TENM3: variants seen among roughly 807,000 people sequenced by gnomAD.
The protein encoded by TENM3 is teneurin-3.
TENM3 carries 63 observed loss-of-function variants against 255.1 expected under a neutral mutation model. That is an observed-to-expected ratio of 0.25 (90% confidence interval 0.20 to 0.30). TENM3 has a LOEUF of 0.30. Ranked by LOEUF, TENM3 falls within the 10% of genes least tolerant of loss-of-function variation. The pLI, the probability that TENM3 is intolerant of heterozygous loss-of-function variation, is 1.00. For missense variants in TENM3, 2,929 were observed against 3,461.1 expected (o/e 0.85, Z 3.86); for synonymous variants, 1,306 against 1,322.3 (o/e 0.99, Z 0.27).
At chr4:181,649,982 A>G in the TENM3 span, among the ~76,000 whole-genome samples, 1 of 151,880 alleles carries the variant, frequency 6.6e-6, no homozygotes, top group Non-Finnish European at 1.5e-5. Context: ...TGGCTGAGGA[A>G]TTTTGACAGC....
chr4:181,698,465 G>GA, the TENM3 span, among the ~76,000 whole-genome samples: 1,286 of 148,884 alleles, frequency 8.6e-3, 4 homozygotes, highest in Middle Eastern at 0.031. Flanking sequence ...CTTTATTTTA[G>GA]AAAAAAAAAA....
chr4:182,748,502 C>T (rs899582688), intron 19 of TENM3, among the ~76,000 whole-genome samples: 1 of 152,178 alleles, frequency 6.6e-6, no homozygotes, highest in African/African-American at 2.4e-5. Flanking sequence ...AGTTGGAAAG[C>T]AAGCACGAGC....
At chr4:181,647,372 G>T in the TENM3 span, among the ~76,000 whole-genome samples, 1 of 152,120 alleles carries the variant, frequency 6.6e-6, no homozygotes, top group Non-Finnish European at 1.5e-5. Context: ...TTGAGAATTG[G>T]GTAAAAATAT....
the TENM3 span, among the ~76,000 whole-genome samples, chr4:181,599,142 A>G: frequency 1.3e-5 from 2 of 152,220 alleles, no homozygotes; most frequent in Non-Finnish European, 2.9e-5. Context: ...TAACAAGCAC[A>G]TAGGTAGAAT....
chr4:182,319,679 A>C (rs892093598), intron 1 of TENM3, among the ~76,000 whole-genome samples: 5 of 152,238 alleles, frequency 3.3e-5, no homozygotes, highest in African/African-American at 1.2e-4. Flanking sequence ...ATTGATTTAT[A>C]AACTTTAGAA....
At chr4:181,930,491 C>T in the TENM3 span, among the ~76,000 whole-genome samples, 2 of 152,152 alleles carry the variant, frequency 1.3e-5, no homozygotes, top group African/African-American at 4.8e-5. Context: ...CCTGAATAGA[C>T]CAATAACAAG....
At chr4:181,801,118 G>T in the TENM3 span, among the ~76,000 whole-genome samples, 7 of 152,124 alleles carry the variant, frequency 4.6e-5, no homozygotes, top group Non-Finnish European at 7.3e-5. Context: ...AATTATCATG[G>T]TAGACAGGCT....
chr4:182,309,966 T>A (rs1762348265), intron 1 of TENM3, among the ~76,000 whole-genome samples: 1 of 152,226 alleles, frequency 6.6e-6, no homozygotes, highest in African/African-American at 2.4e-5. Flanking sequence ...ATATCTCCGC[T>A]AGAAAGGTAT....
the TENM3 span, among the ~76,000 whole-genome samples, chr4:181,752,992 G>A: frequency 1.3e-5 from 2 of 152,136 alleles, no homozygotes; most frequent in African/African-American, 4.8e-5. Flanking sequence ...ACCTAACATT[G>A]GATGTGGAAG....
At chr4:182,073,302 T>C in the TENM3 span, among the ~76,000 whole-genome samples, 1 of 152,146 alleles carries the variant, frequency 6.6e-6, no homozygotes, top group Non-Finnish European at 1.5e-5. Flanking sequence ...CCGTGATCCA[T>C]CACTTCCCAC....
Position 182,792,308 on chromosome 4 carries a change from A to G in TENM3, c.5636A>G (p.Tyr1879Cys). The G allele has an allele frequency of 2.5e-6, 4 of 1,613,986 alleles. No individual in the cohort carries two copies. The highest frequency in any genetic ancestry group is 3.4e-6 in the Non-Finnish European group (4 of 1,179,846). ...CTTCTGCTTCATAGCCAGCGGCAGT[A>G]CATCTTCGAATACGATATGTGGGAC... ...MVLLLHSQRQ[Y>C]IFEYDMWDRL... The change falls in exon 26 of 28, where the codon TAC becomes TGC. Residue 1879 changes from tyrosine (Y) to cysteine (C), a missense_variant. Tyr to Cys is a radical substitution (Grantham distance 194). Coordinates refer to ENST00000511685, the MANE Select transcript of TENM3 (RefSeq NM_001080477.4). This position sits in a 1 kb window ranked among gnomAD's most constrained non-coding sequence, Gnocchi z 6.3.
intron 2 of TENM3, among the ~76,000 whole-genome samples, chr4:182,341,544 C>T (rs1369228976): frequency 6.6e-6 from 1 of 152,214 alleles, no homozygotes; most frequent in African/African-American, 2.4e-5. Context: ...ATTCTTTATG[C>T]TAACCACAGT....
Position 182,618,765 on chromosome 4 carries a change from TA to T in TENM3, c.750-9877del, listed in dbSNP as rs1013078708. Among the ~76,000 whole-genome samples the T allele has an allele frequency of 1.2e-4, 18 of 151,742 alleles. No homozygotes were observed. In the Middle Eastern group the frequency reaches 0.01, roughly 86 times the overall value. ...TAAAACATGATGTTTCATTTGAGGG[TA>T]AAAAAAAATTTGAAATGAAATGTTA... On this transcript the variant is annotated intron_variant, in intron 4 of 27. Coordinates refer to ENST00000511685, the MANE Select transcript of TENM3 (RefSeq NM_001080477.4).
the TENM3 span, among the ~76,000 whole-genome samples, chr4:181,619,572 C>T: frequency 3.3e-5 from 5 of 152,022 alleles, no homozygotes; most frequent in Non-Finnish European, 7.4e-5. Flanking sequence ...TAGGCACACA[C>T]CACCATATTT....
chr4:181,743,068 G>C, the TENM3 span, among the ~76,000 whole-genome samples: 1 of 151,724 alleles, frequency 6.6e-6, no homozygotes, highest in African/African-American at 2.4e-5. Context: ...TCTTAATCCA[G>C]TCTATCATTG....
At chr4:182,255,670 A>G (rs1433128493) in intron 1 of TENM3, among the ~76,000 whole-genome samples, 3 of 152,176 alleles carry the variant, frequency 2.0e-5, no homozygotes, top group Admixed American at 6.5e-5. Flanking sequence ...AACAGCAGCC[A>G]GAGAGATTTT....
At chr4:181,641,554 GTATATATATA>G in the TENM3 span, among the ~76,000 whole-genome samples, 569 of 26,912 alleles carry the variant, frequency 0.021, 15 homozygotes, top group African/African-American at 0.052. Flanking sequence ...TGGTGTGTGT[GTATATATATA>G]TATATATATA....
At chr4:182,371,445 A>G (rs530343326) in intron 3 of TENM3, among the ~76,000 whole-genome samples, 1 of 152,092 alleles carries the variant, frequency 6.6e-6, no homozygotes, top group Admixed American at 6.5e-5. Flanking sequence ...CTGTTCTGTG[A>G]CCCTTTTCTT....
Position 182,774,954 on chromosome 4 carries a change from G to A in TENM3, c.5105G>A (p.Gly1702Asp). 1 of 1,613,634 alleles carries A rather than the reference G, an allele frequency of 6.2e-7. No individual in the cohort carries two copies. The highest frequency in any genetic ancestry group is 1.1e-5 in the South Asian group (1 of 90,986). Residue 1702 changes from glycine (G) to aspartate (D), a missense_variant, in exon 24 of 28, where the codon GGC becomes GAC. Physicochemically the swap from Gly to Asp is moderately conservative, Grantham distance 94 (BLOSUM62 -1). Coordinates refer to ENST00000511685, the MANE Select transcript of TENM3 (RefSeq NM_001080477.4). ...LRNSYQIGYD[G>D]SLRIIYASGL... ...AACAGCTACCAGATTGGTTATGACGGCTCCCTCAGAATTATCTACGCCAGT... is the reference window on the plus strand; with the variant it reads ...AACAGCTACCAGATTGGTTATGACGACTCCCTCAGAATTATCTACGCCAGT...
Sources: allele counts gnomAD v4.1 joint callset (sites outside exome capture counted in the v4.1 genomes callset), GRCh38; gene constraint gnomAD v4.1.1; non-coding constraint Gnocchi (gnomAD v3.1); transcripts MANE v1.5; gene names NCBI Gene and HGNC (gene_info 2026-07-23, HGNC 2026-07-21).